The following KCNG1 variants were observed in gnomAD, a reference collection of about 807,000 sequenced individuals.
KCNG1 encodes the protein potassium voltage-gated channel modifier subfamily G member 1, also known as voltage-gated potassium channel regulatory subunit KCNG1.
KCNG1 carries 17 observed loss-of-function variants against 32.4 expected under a neutral mutation model. The observed-to-expected ratio is 0.52, with a 90% confidence interval of 0.36 to 0.79. The LOEUF is 0.79. Ranked by LOEUF, KCNG1 falls within the 30% of genes least tolerant of loss-of-function variation. The probability of loss-of-function intolerance (pLI) is 0.00; values close to 1 mark genes in which losing one functional copy is unlikely to be tolerated. For synonymous variants in KCNG1, 358 were observed against 339.9 expected, an observed-to-expected ratio of 1.05 and a Z score of -0.59; for missense variants, 441 against 735.2, an observed-to-expected ratio of 0.60 and a Z score of 4.63.
chr20:51,005,755 A>T lies in KCNG1; in HGVS notation c.775-949T>A, dbSNP rs952268858. On this transcript the variant is annotated intron_variant, in intron 2 of 2. Transcript: ENST00000371571. The surrounding 1 kb of genome is among the most constrained non-coding windows in gnomAD (Gnocchi z 4.0). ...CAGTCCTTTAGTGGATTTGGGCCTC[A>T]TCCTTGAAGGGGCCTTTGGCAGAGA... The T allele has an allele frequency of 3.3e-5, 5 of 152,186 alleles. No individual in the cohort carries two copies. Among genetic ancestry groups the T allele is most frequent in the Non-Finnish European group, 7.3e-5 (5 of 68,052 alleles). 9.4% of individuals were successfully genotyped at this position (152,186 alleles called of 1,614,324 possible).
At position 51,005,757 on chromosome 20, in the gene KCNG1, C is replaced by T. The variant is rs1987803385; in HGVS notation, c.775-951G>A. Reference sequence around the variant, plus strand: ...GTCCTTTAGTGGATTTGGGCCTCATCCTTGAAGGGGCCTTTGGCAGAGAGG... The same window carrying T: ...GTCCTTTAGTGGATTTGGGCCTCATTCTTGAAGGGGCCTTTGGCAGAGAGG... On this transcript the variant is annotated intron_variant, in intron 2 of 2. Transcript: ENST00000371571. The surrounding 1 kb of genome is among the most constrained non-coding windows in gnomAD (Gnocchi z 4.0). 1 of 152,166 alleles carries T rather than the reference C, an allele frequency of 6.6e-6. No homozygotes were observed. Among genetic ancestry groups the T allele is most frequent in the African/African-American group, 2.4e-5 (1 of 41,422 alleles). 9.4% of individuals were successfully genotyped at this position (152,166 alleles called of 1,614,324 possible). A position where few individuals can be genotyped will look rare whatever the true frequency, so the allele number is the denominator to read the frequency against.
At chr20:51,016,794 C>A (rs868013543) in intron 1 of KCNG1, among the ~76,000 whole-genome samples, 2 of 152,200 alleles carry the variant, frequency 1.3e-5, no homozygotes, top group Non-Finnish European at 2.9e-5. Context: ...TCCGCTGCCC[C>A]CCTCCCTGCT....
At chr20:51,018,980 C>T (rs1286089010) in intron 1 of KCNG1, among the ~76,000 whole-genome samples, 2 of 152,102 alleles carry the variant, frequency 1.3e-5, no homozygotes, top group Non-Finnish European at 2.9e-5. Context: ...TGGGGAGAAG[C>T]AGGCAATTGT....
At chr20:51,020,046 A>T (rs955336519) in intron 1 of KCNG1, among the ~76,000 whole-genome samples, 1 of 151,838 alleles carries the variant, frequency 6.6e-6, no homozygotes, top group Non-Finnish European at 1.5e-5. Context: ...TCCTGGGGAG[A>T]TTGTGTGCTG....
chr20:51,004,051 T>G lies in KCNG1; in HGVS notation c.1530A>C (p.Arg510Ser). Residue 510 changes from arginine (R) to serine (S), a missense_variant, in exon 3 of 3, where the codon AGA becomes AGC. Physicochemically the swap from Arg to Ser is moderately radical, Grantham distance 110. Coordinates refer to ENST00000371571, the MANE Select transcript of KCNG1 (RefSeq NM_002237.4). The surrounding 1 kb of genome is among the most constrained non-coding windows in gnomAD (Gnocchi z 4.3). ...ILFGSASSDT[R>S]DNN ...GTGTCCTCCGCGCTCAGTTATTGTC[T>G]CTGGTGTCCGAGGAGGCACTTCCGA... The G allele has an allele frequency of 1.2e-6, 2 of 1,614,066 alleles. No individual in the cohort carries two copies. Among genetic ancestry groups the G allele is most frequent in the Non-Finnish European group, 1.7e-6 (2 of 1,179,936 alleles).
chr20:51,004,891 G>T lies in KCNG1; in HGVS notation c.775-85C>A. On this transcript the variant is annotated intron_variant, in intron 2 of 2. Coordinates refer to ENST00000371571, the MANE Select transcript of KCNG1 (RefSeq NM_002237.4). The surrounding 1 kb of genome is among the most constrained non-coding windows in gnomAD (Gnocchi z 4.3). ...GAAGCTCTGCCCTGTGCCCTGCTGG[G>T]CTTCCCAGGCGGAAGGTGACCTCTC... The T allele has an allele frequency of 7.2e-7, 1 of 1,381,438 alleles. No homozygotes were observed. Among genetic ancestry groups the T allele is most frequent in the Non-Finnish European group, 9.6e-7 (1 of 1,042,196 alleles). 85.6% of individuals were successfully genotyped at this position (1,381,438 alleles called of 1,614,324 possible). A position where few individuals can be genotyped will look rare whatever the true frequency, so the allele number is the denominator to read the frequency against.
In KCNG1 at chr20:51,009,664, A is replaced by G. The variant is rs140687676; in HGVS notation, c.675T>C (p.Pro225=). 2.9e-5 allele frequency: 47 copies of G among 1,605,108 alleles called. No individual in the cohort carries two copies. In the African/African-American group the frequency reaches 5.3e-4, roughly 18 times the overall value. ...DMVERPHSGL[P]GKVFACLSVL... The stretch of plus-strand genomic sequence containing the variant: ...CCGACAGGCAGGCGAACACCTTGCC[A>G]GGCAGCCCCGAGTGCGGCCTCTCCA... Residue 225 remains proline (P), a synonymous_variant, in exon 2 of 3, where the codon CCT becomes CCC. Coordinates refer to ENST00000371571, the MANE Select transcript of KCNG1 (RefSeq NM_002237.4).
chr20:51,020,125 C>A (rs1054855472), intron 1 of KCNG1, among the ~76,000 whole-genome samples: 2 of 152,198 alleles, frequency 1.3e-5, no homozygotes, highest in Non-Finnish European at 2.9e-5. Flanking sequence ...TCCCTCCCCC[C>A]TATAAAAAAG....
At chr20:51,012,849 T>C (rs1423124805) in intron 1 of KCNG1, among the ~76,000 whole-genome samples, 1 of 152,152 alleles carries the variant, frequency 6.6e-6, no homozygotes, top group Non-Finnish European at 1.5e-5. Flanking sequence ...CACCCCCAAC[T>C]ATTGTCTTCC....
rs1015745568 is a variant in KCNG1 at position 51,003,907 on chromosome 20, C to T, written c.*132G>A. On this transcript the variant is annotated 3_prime_UTR_variant, in exon 3 of 3. Transcript: ENST00000371571. ...GGGGTGTGGGAGTGAGGGTGTCCTT[C>T]CCCGGGTGCGTGGGAGTCGGTGCTG... 1.1e-5 allele frequency: 11 copies of T among 967,800 alleles called. No individual in the cohort carries two copies. The Admixed American group carries it at 1.8e-4, about 15-fold the overall frequency. 60.0% of individuals were successfully genotyped at this position (967,800 alleles called of 1,614,324 possible).
At chr20:51,017,525 C>A (rs1400709123) in intron 1 of KCNG1, among the ~76,000 whole-genome samples, 4 of 152,066 alleles carry the variant, frequency 2.6e-5, no homozygotes, top group African/African-American at 9.7e-5. Context: ...TGCTGGGAAG[C>A]GGTGTGGTTT....
rs4811110 is a variant in KCNG1 at position 51,004,862 on chromosome 20, G to C, written c.775-56C>G. 0.82 allele frequency: 1,187,860 copies of C among 1,456,924 alleles called. 487,730 individuals are homozygous for C. Among genetic ancestry groups the C allele is most frequent in the Middle Eastern group, 0.86 (4,651 of 5,430 alleles). The allele number at this position is 1,456,924 out of a possible 1,614,324, so 90.2% of individuals were successfully genotyped here. On this transcript the variant is annotated intron_variant, in intron 2 of 2. Coordinates refer to ENST00000371571, the MANE Select transcript of KCNG1 (RefSeq NM_002237.4). This position sits in a 1 kb window ranked among gnomAD's most constrained non-coding sequence, Gnocchi z 4.3. ...GTCAGCGGGCCCTCCAGGAAAGGAG[G>C]GCAGAAGCTCTGCCCTGTGCCCTGC...
intron 1 of KCNG1, chr20:51,014,140 G>A (rs1450093491): frequency 6.6e-6 from 1 of 152,200 alleles, no homozygotes; most frequent in East Asian, 1.9e-4. Context: ...GCTACTCGGA[G>A]GGTAATAAAC....
In KCNG1 at chr20:51,003,675, A is replaced by AT. The variant is rs11474110; in HGVS notation, c.*363dup. The stretch of plus-strand genomic sequence containing the variant: ...CAGACATGCTGTTTCTGCTGTTTGT[A>AT]TTTTTTTTTTTTTTCTCCAGGCAGA... On this transcript the variant is annotated 3_prime_UTR_variant, in exon 3 of 3. Transcript: ENST00000371571. 0.076 allele frequency: 10,814 copies of AT among 141,552 alleles called. 1,015 individuals carry two copies. The highest frequency in any genetic ancestry group is 0.24 in the African/African-American group (8,790 of 37,148). The allele number at this position is 141,552 out of a possible 1,614,324, so 8.8% of individuals were successfully genotyped here.
At chr20:51,006,958 A>C (rs1987853689) in intron 2 of KCNG1, 1 of 152,380 alleles carries the variant, frequency 6.6e-6, no homozygotes, top group African/African-American at 2.4e-5. Flanking sequence ...ACTTGCCCAC[A>C]GCTACTACAC....
At position 51,010,170 on chromosome 20, in the gene KCNG1, G is replaced by T. The variant is rs758172905; in HGVS notation, c.169C>A (p.Gln57Lys). The stretch of plus-strand genomic sequence containing the variant: ...ATCCGACGGCGGCGGTCCTCGGGCT[G>T]ACAGCCCTGGCGGGGCTCATCCTGC... ...RPQDEPRQGC[Q>K]PEDRRRRIII... Residue 57 changes from glutamine (Q) to lysine (K), a missense_variant, in exon 2 of 3, where the codon CAG becomes AAG. By Grantham distance (53) the Gln-to-Lys change is moderately conservative. Coordinates refer to ENST00000371571, the MANE Select transcript of KCNG1 (RefSeq NM_002237.4). The T allele has an allele frequency of 5.0e-6, 8 of 1,607,836 alleles. No homozygotes were observed. The East Asian group carries it at 1.8e-4, about 36-fold the overall frequency.
chr20:51,010,698 T>G, intron 1 of KCNG1, among the ~76,000 whole-genome samples: 1 of 152,042 alleles, frequency 6.6e-6, no homozygotes, highest in East Asian at 1.9e-4. Context: ...AGTTTGAGAC[T>G]GGCCTGGCCA....
chr20:51,009,615 C>G lies in KCNG1; in HGVS notation c.724G>C (p.Val242Leu). 1.2e-6 allele frequency: 2 copies of G among 1,609,988 alleles called. No homozygotes were observed. Among genetic ancestry groups the G allele is most frequent in the Non-Finnish European group, 1.7e-6 (2 of 1,179,288 alleles). Residue 242 changes from valine to leucine, a missense_variant, in exon 2 of 3, where the codon GTC becomes CTC. Transcript: ENST00000371571. ...LSVLFVTVTA[V>L]NLSVSTLPSL... is the part of the protein sequence containing the mutation. ...GGCAAGGTGCTGACGGAGAGGTTGA[C>G]GGCGGTGACGGTCACGAAGAGCACC...
rs367782891 is a variant in KCNG1, at chr20:51,009,777, C to T, written c.562G>A (p.Ala188Thr). ...CTGTCGCGGCCCTCGCTGTCCAGCG[C>T]GTCGTCCTCTTCCTCCCGCTCCACC... ...EMVEREEEDD[A>T]LDSEGRDSEG... Residue 188 changes from alanine to threonine, a missense_variant, in exon 2 of 3, where the codon GCG becomes ACG. Around this residue, in one of 6 missense-constraint regions of KCNG1, gnomAD observed 52 missense variants for 50.3 expected, o/e 1.03. Coordinates refer to ENST00000371571, the MANE Select transcript of KCNG1 (RefSeq NM_002237.4). The T allele has an allele frequency of 2.0e-5, 33 of 1,611,216 alleles. No individual in the cohort carries two copies. Among genetic ancestry groups the T allele is most frequent in the Admixed American group, 3.3e-5 (2 of 60,006 alleles).
Sources: gnomAD v4.1 joint callset for allele counts (sites outside exome capture counted in the v4.1 genomes callset) on GRCh38, gnomAD v4.1.1 for gene constraint, gnomAD v4.1.1 regional missense constraint, Gnocchi (gnomAD v3.1) non-coding constraint, MANE v1.5 for transcripts, NCBI Gene and HGNC (gene_info 2026-07-23, HGNC 2026-07-21) for gene names.